GRID2: variants seen among roughly 807,000 people sequenced by gnomAD.
GRID2 encodes glutamate receptor ionotropic, delta-2.
In GRID2, 33 loss-of-function variants were observed where a neutral mutation model predicts 114.8. That is an observed-to-expected ratio of 0.29 (90% CI 0.22 to 0.38). The LOEUF is 0.38. GRID2 is among the 10% of genes least tolerant of loss of function. The pLI, the probability that GRID2 is intolerant of heterozygous loss-of-function variation, is 1.00. For synonymous variants in GRID2, 505 were observed against 449.9 expected (o/e 1.12, Z -1.55); for missense variants, 1,184 against 1,257.7 (o/e 0.94, Z 0.89).
intron 13 of GRID2, among the ~76,000 whole-genome samples, chr4:93,526,701 C>T (rs965971915): frequency 1.3e-5 from 2 of 152,060 alleles, no homozygotes; most frequent in Non-Finnish European, 1.5e-5. Flanking sequence ...CCCAGCTACT[C>T]GGGAAGCTGA....
At chr4:93,004,760 A>G (rs1379293313) in intron 2 of GRID2, among the ~76,000 whole-genome samples, 3 of 151,960 alleles carry the variant, frequency 2.0e-5, no homozygotes, top group Non-Finnish European at 4.4e-5. Context: ...ACTCTAGTCC[A>G]CTGAAATTGT....
intron 9 of GRID2, among the ~76,000 whole-genome samples, chr4:93,412,377 T>C (rs1053179275): frequency 6.6e-6 from 1 of 152,122 alleles, no homozygotes; most frequent in Non-Finnish European, 1.5e-5. Context: ...CTGGGCAAGA[T>C]AACAAGACCC....
chr4:92,652,922 A>ATT (rs1732030217), intron 2 of GRID2, among the ~76,000 whole-genome samples: 7 of 131,504 alleles, frequency 5.3e-5, no homozygotes, highest in African/African-American at 1.6e-4. Context: ...TTATAAATAC[A>ATT]TATAAATATA....
chr4:93,502,561 A>G (rs1263211855), intron 12 of GRID2, among the ~76,000 whole-genome samples: 1 of 151,762 alleles, frequency 6.6e-6, no homozygotes, highest in Non-Finnish European at 1.5e-5. Context: ...TAGCCTCTCC[A>G]TCATGCCAGT....
At chr4:92,782,067 G>C (rs1739104117) in intron 2 of GRID2, among the ~76,000 whole-genome samples, 1 of 151,898 alleles carries the variant, frequency 6.6e-6, no homozygotes, top group South Asian at 2.1e-4. Flanking sequence ...ATAATGAAAA[G>C]TACATTGAAA....
chr4:92,763,320 C>G (rs1025652563), intron 2 of GRID2, among the ~76,000 whole-genome samples: 1 of 152,028 alleles, frequency 6.6e-6, no homozygotes, highest in Admixed American at 6.6e-5. Context: ...AATGATAGGA[C>G]AAGGGAAAAA....
At chr4:92,398,919 A>G (rs907428750) in intron 1 of GRID2, among the ~76,000 whole-genome samples, 16 of 152,328 alleles carry the variant, frequency 1.1e-4, no homozygotes, top group African/African-American at 3.8e-4. Context: ...CTACATGAAT[A>G]TAGTAAAAGG....
At chr4:93,393,689 TTTGTCC>T (rs1765066268) in intron 8 of GRID2, among the ~76,000 whole-genome samples, 2 of 151,966 alleles carry the variant, frequency 1.3e-5, no homozygotes, top group Non-Finnish European at 2.9e-5. Context: ...TTTATAAATG[TTTGTCC>T]ATAGCATTGT....
At chr4:93,697,304 C>T (rs4693334) in intron 14 of GRID2, among the ~76,000 whole-genome samples, 31,193 of 151,946 alleles carry the variant, frequency 0.21, 3,403 homozygotes, top group Middle Eastern at 0.33. Flanking sequence ...TCTTAGAATC[C>T]TTCACACACT....
chr4:92,640,672 C>T (rs981080918), intron 2 of GRID2, among the ~76,000 whole-genome samples: 2 of 151,698 alleles, frequency 1.3e-5, no homozygotes, highest in East Asian at 1.9e-4. Flanking sequence ...TGAAACACAG[C>T]AAGTACTCTT....
At chr4:92,531,695 A>G (rs1725365296) in intron 1 of GRID2, among the ~76,000 whole-genome samples, 1 of 152,184 alleles carries the variant, frequency 6.6e-6, no homozygotes, top group Admixed American at 6.6e-5. Flanking sequence ...AAATGAATTT[A>G]TGAGAGGACT....
intron 2 of GRID2, among the ~76,000 whole-genome samples, chr4:92,775,701 A>G (rs1738761587): frequency 6.6e-6 from 1 of 152,144 alleles, no homozygotes; most frequent in African/African-American, 2.4e-5. Flanking sequence ...TCTAATTTTC[A>G]CTTTCTTGTA....
intron 14 of GRID2, among the ~76,000 whole-genome samples, chr4:93,715,085 T>C (rs1224332809): frequency 6.6e-6 from 1 of 152,220 alleles, no homozygotes; most frequent in Non-Finnish European, 1.5e-5. Flanking sequence ...AAATTTTTAA[T>C]CCATCTTGAG....
intron 2 of GRID2, among the ~76,000 whole-genome samples, chr4:92,783,949 G>A (rs1295112250): frequency 1.3e-5 from 2 of 151,758 alleles, no homozygotes; most frequent in African/African-American, 2.4e-5. Context: ...TTCTTAAGAC[G>A]TTTTGGTAAT....
chr4:92,655,062 A>T (rs1042600825), intron 2 of GRID2, among the ~76,000 whole-genome samples: 2 of 151,912 alleles, frequency 1.3e-5, no homozygotes, highest in African/African-American at 4.8e-5. Context: ...TTTAGTTGAC[A>T]TTGTAAGTGG....
At chr4:92,569,191 T>A (rs1428808377) in intron 1 of GRID2, among the ~76,000 whole-genome samples, 2 of 151,996 alleles carry the variant, frequency 1.3e-5, no homozygotes, top group Non-Finnish European at 2.9e-5. Flanking sequence ...TCTTATCATT[T>A]CACTCCCACG....
At chr4:92,332,615 A>G (rs1178066012) in intron 1 of GRID2, among the ~76,000 whole-genome samples, 1 of 152,206 alleles carries the variant, frequency 6.6e-6, no homozygotes, top group Non-Finnish European at 1.5e-5. Flanking sequence ...TAAATCAAAT[A>G]TGAGTGAGAC....
chr4:92,970,054 A>G lies in GRID2; in HGVS notation c.245-114941A>G, dbSNP rs537290515. ...CTTAAAATTCTAGCCAAATGTTTTCATTTATTCAACAGAGTTAGTTAGTTT... is the reference window on the plus strand; with the variant it reads ...CTTAAAATTCTAGCCAAATGTTTTCGTTTATTCAACAGAGTTAGTTAGTTT... On this transcript the variant is annotated intron_variant, in intron 2 of 15. Coordinates refer to ENST00000282020, the MANE Select transcript of GRID2 (RefSeq NM_001510.4). 1.4e-3 allele frequency among the ~76,000 whole-genome samples: 210 copies of G among 152,078 alleles called. 1 individual carries two copies. The highest frequency in any genetic ancestry group is 4.9e-3 in the African/African-American group (202 of 41,558).
intron 13 of GRID2, among the ~76,000 whole-genome samples, chr4:93,535,654 G>A (rs1401212374): frequency 6.6e-6 from 1 of 151,954 alleles, no homozygotes; most frequent in Admixed American, 6.6e-5. Context: ...GATTAATGAT[G>A]TTGGCATTTT....
Sources: gnomAD v4.1 joint callset for allele counts (sites outside exome capture counted in the v4.1 genomes callset) on GRCh38, gnomAD v4.1.1 for gene constraint, MANE v1.5 for transcripts, NCBI Gene and HGNC (gene_info 2026-07-23, HGNC 2026-07-21) for gene names.